The following DCAF6 variants were observed in gnomAD, a reference collection of about 807,000 sequenced individuals.
DCAF6 encodes the protein DDB1- and CUL4-associated factor 6.
In DCAF6, 54 loss-of-function variants were observed where a neutral mutation model predicts 125.1. That is an observed-to-expected ratio of 0.43 (90% CI 0.35 to 0.54). The LOEUF (loss-of-function observed/expected upper bound fraction) is 0.54. Among genes scored for constraint, DCAF6 ranks in the 20% least tolerant of loss-of-function variants. The pLI, the probability that DCAF6 is intolerant of heterozygous loss-of-function variation, is 0.01. For synonymous variants in DCAF6, 371 were observed against 390.4 expected, an observed-to-expected ratio of 0.95 and a Z score of 0.58; for missense variants, 934 against 1,161.7, an observed-to-expected ratio of 0.80 and a Z score of 2.85.
the DCAF6 span, among the ~76,000 whole-genome samples, chr1:167,923,006 C>T: frequency 3.9e-5 from 6 of 152,030 alleles, no homozygotes; most frequent in Admixed American, 2.6e-4. Flanking sequence ...TATCTAACAC[C>T]CATTAGGTGC....
chr1:167,973,617 A>G (rs1677683192), intron 3 of DCAF6, among the ~76,000 whole-genome samples: 1 of 152,128 alleles, frequency 6.6e-6, no homozygotes, highest in East Asian at 1.9e-4. Context: ...TTTATAGTCA[A>G]TCACTGATGT....
chr1:167,970,316 T>C (rs1677116089), intron 3 of DCAF6, among the ~76,000 whole-genome samples: 1 of 152,234 alleles, frequency 6.6e-6, no homozygotes, highest in South Asian at 2.1e-4. Flanking sequence ...CTCTTTCTCA[T>C]TTCCAGCTTG....
chr1:167,989,735 G>T (rs542485461), intron 5 of DCAF6, among the ~76,000 whole-genome samples: 11 of 152,134 alleles, frequency 7.2e-5, no homozygotes, highest in African/African-American at 2.6e-4. Flanking sequence ...ATACAAAATA[G>T]CCAGGCGTGG....
chr1:168,056,337 C>T (rs1690795937), intron 17 of DCAF6: 1 of 1,597,086 alleles, frequency 6.3e-7, no homozygotes, highest in Non-Finnish European at 8.5e-7. Context: ...CTGCCAGGGC[C>T]TCGGCGGGCA....
chr1:168,060,024 A>C (rs1691388184), intron 17 of DCAF6, among the ~76,000 whole-genome samples: 1 of 152,318 alleles, frequency 6.6e-6, no homozygotes, highest in Admixed American at 6.5e-5. Flanking sequence ...TTTATAACTT[A>C]AAGACACTTT....
chr1:167,977,235 G>A (rs927215438), intron 4 of DCAF6, among the ~76,000 whole-genome samples: 5 of 148,112 alleles, frequency 3.4e-5, no homozygotes, highest in African/African-American at 1.2e-4. Flanking sequence ...TTACATGAGA[G>A]TTTGTTGATA....
chr1:167,920,355 A>G, the DCAF6 span, among the ~76,000 whole-genome samples: 3 of 152,344 alleles, frequency 2.0e-5, no homozygotes, highest in South Asian at 4.1e-4. Flanking sequence ...CTGAAAAGCA[A>G]AAGCCCATTC....
At chr1:167,945,216 G>A (rs181153242) in intron 1 of DCAF6, among the ~76,000 whole-genome samples, 1 of 152,162 alleles carries the variant, frequency 6.6e-6, no homozygotes, top group Non-Finnish European at 1.5e-5. Flanking sequence ...CTTCTTTTTG[G>A]TTCCATATGA....
chr1:168,008,208 G>T (rs202249), intron 10 of DCAF6, among the ~76,000 whole-genome samples: 100 of 151,784 alleles, frequency 6.6e-4, no homozygotes, highest in African/African-American at 2.2e-3. Context: ...ACCTCAAGCA[G>T]TCCATCCGCC....
chr1:167,961,425 G>T (rs1418338972), intron 2 of DCAF6, among the ~76,000 whole-genome samples: 1 of 152,062 alleles, frequency 6.6e-6, no homozygotes, highest in South Asian at 2.1e-4. Context: ...TGTATTTTTA[G>T]TAGAGATGGG....
chr1:167,928,390 TAATTAACATTC>T, the DCAF6 span, among the ~76,000 whole-genome samples: 35 of 152,238 alleles, frequency 2.3e-4, no homozygotes, highest in African/African-American at 7.9e-4. Context: ...TCATTGTAGC[TAATTAACATTC>T]AATTAACATT....
chr1:168,074,108 G>A (rs140374328), intron 21 of DCAF6, among the ~76,000 whole-genome samples: 1 of 151,462 alleles, frequency 6.6e-6, no homozygotes. Flanking sequence ...TATGTCATTG[G>A]TTTGACATTG....
chr1:167,960,143 G>GA (rs1675350380), intron 2 of DCAF6, among the ~76,000 whole-genome samples: 1 of 151,864 alleles, frequency 6.6e-6, no homozygotes, highest in African/African-American at 2.4e-5. Flanking sequence ...GCATTGTATT[G>GA]ACTTTACTCC....
At chr1:167,937,117 G>A (rs559379037) in intron 1 of DCAF6, 109 bp downstream of exon 1, 110 of 896,698 alleles carry the variant, frequency 1.2e-4, no homozygotes, top group African/African-American at 6.1e-4. Flanking sequence ...GGGGGCGCCC[G>A]GAGACTCTGG....
the DCAF6 span, among the ~76,000 whole-genome samples, chr1:167,895,707 C>T: frequency 8.4e-4 from 128 of 152,276 alleles, no homozygotes; most frequent in Non-Finnish European, 1.3e-3. Flanking sequence ...AGGTCTGAGA[C>T]TCGGGTGATG....
the DCAF6 span, among the ~76,000 whole-genome samples, chr1:167,866,530 CAAAAAAAAAAA>C: frequency 1.8e-5 from 2 of 110,778 alleles, no homozygotes; most frequent in Non-Finnish European, 4.0e-5. Context: ...CTCTATGTGC[CAAAAAAAAAAA>C]AAAAAAAAAA....
chr1:167,924,817 G>A, the DCAF6 span, among the ~76,000 whole-genome samples: 3 of 151,968 alleles, frequency 2.0e-5, no homozygotes, highest in Admixed American at 2.0e-4. Flanking sequence ...ATATTTTAGG[G>A]AACCTTGATT....
chr1:167,899,737 C>A, the DCAF6 span: 1 of 993,948 alleles, frequency 1.0e-6, no homozygotes, highest in Non-Finnish European at 1.5e-6. Flanking sequence ...TATCTCAGAG[C>A]AAAATCTCAC....
At chr1:167,874,062 T>C in the DCAF6 span, among the ~76,000 whole-genome samples, 2 of 152,340 alleles carry the variant, frequency 1.3e-5, no homozygotes, top group East Asian at 1.9e-4. Flanking sequence ...CTGGGCACAG[T>C]GGCTCACGCC....
Sources: gnomAD v4.1 joint callset for allele counts (sites outside exome capture counted in the v4.1 genomes callset) on GRCh38, gnomAD v4.1.1 for gene constraint, MANE v1.5 for transcripts, NCBI Gene and HGNC (gene_info 2026-07-23, HGNC 2026-07-21) for gene names.